The following TENM4 variants were observed in gnomAD, a reference collection of about 807,000 sequenced individuals.
TENM4 encodes the protein teneurin transmembrane protein 4.
A neutral mutation model predicts 243.3 loss-of-function variants in TENM4; 82 were observed. The observed-to-expected ratio is 0.34, with a 90% CI of 0.28 to 0.40. The LOEUF is 0.40. Ranked by LOEUF, TENM4 falls within the 10% of genes least tolerant of loss-of-function variation. The probability of loss-of-function intolerance (pLI) is 1.00; values close to 1 mark genes in which losing one functional copy is unlikely to be tolerated. For synonymous variants in TENM4, 1,412 were observed against 1,456.3 expected (o/e 0.97, Z 0.69); for missense variants, 3,138 against 3,673.3 (o/e 0.85, Z 3.77).
intron 1 of TENM4, among the ~76,000 whole-genome samples, chr11:79,359,091 C>T (rs914867401): frequency 2.0e-5 from 3 of 151,846 alleles, no homozygotes; most frequent in African/African-American, 7.3e-5. Context: ...CATAGCAAGA[C>T]CCCATCTGTA....
rs745830367 is a variant in TENM4, at chr11:78,903,348, C to G, written c.669G>C (p.Glu223Asp). The G allele has an allele frequency of 7.4e-6, 11 of 1,484,516 alleles. No individual in the cohort carries two copies. Among genetic ancestry groups the G allele is most frequent in the Middle Eastern group, 3.5e-4 (2 of 5,696 alleles). 92.0% of individuals were successfully genotyped at this position (1,484,516 alleles called of 1,614,324 possible). A position where few individuals can be genotyped will look rare whatever the true frequency, so the allele number is the denominator to read the frequency against. ...GCTCCTGGGCGCCGCCGGCAGGGGG[C>G]TCTCCGGAGAGCGAGTGGTCCGTGG... is the stretch of plus-strand genomic sequence containing the variant. ...PAPTDHSLSG[E>D]PPAGGAQEPA... The change falls in exon 7 of 34, where the codon GAG becomes GAC. Residue 223 changes from glutamate (E) to aspartate (D), a missense_variant. Around this residue, in one of 2 missense-constraint regions of TENM4, gnomAD observed 671 missense variants for 614.1 expected, o/e 1.09. Transcript: ENST00000278550.
intron 6 of TENM4, among the ~76,000 whole-genome samples, chr11:78,974,696 CTTTTCTTTCTGT>C (rs1857611640): frequency 2.0e-5 from 3 of 148,538 alleles, no homozygotes; most frequent in Non-Finnish European, 3.0e-5. Flanking sequence ...CTTTCTTTTT[CTTTTCTTTCTGT>C]TTTTCTTTTC....
chr11:79,388,998 G>A (rs1244681546), intron 1 of TENM4, among the ~76,000 whole-genome samples: 1 of 152,202 alleles, frequency 6.6e-6, no homozygotes, highest in East Asian at 1.9e-4. Context: ...CAGGAAAAGA[G>A]GTTGGAGAGG....
At chr11:78,866,599 G>A (rs552954024) in intron 9 of TENM4, among the ~76,000 whole-genome samples, 1 of 152,196 alleles carries the variant, frequency 6.6e-6, no homozygotes, top group South Asian at 2.1e-4. Context: ...TTATGAGGGT[G>A]GGGGAGACAT....
intron 17 of TENM4, among the ~76,000 whole-genome samples, chr11:78,775,212 G>T (rs940220411): frequency 6.6e-6 from 1 of 152,210 alleles, no homozygotes; most frequent in African/African-American, 2.4e-5. Context: ...CCAGTAACCT[G>T]TGTAATATTC....
At chr11:79,373,604 A>C (rs1857832253) in intron 1 of TENM4, among the ~76,000 whole-genome samples, 1 of 152,206 alleles carries the variant, frequency 6.6e-6, no homozygotes, top group African/African-American at 2.4e-5. Context: ...GCAGTGAAGG[A>C]AAGAAGAAGG....
Position 78,879,716 on chromosome 11 carries a change from C to T in TENM4, c.1084+10069G>A, listed in dbSNP as rs375677312. Among the ~76,000 whole-genome samples the T allele has an allele frequency of 3.9e-3, 584 of 148,842 alleles. 4 individuals carry two copies. The highest frequency in any genetic ancestry group is 2.7e-3 in the Non-Finnish European group (178 of 67,160). On this transcript the variant is annotated intron_variant, in intron 9 of 33. Coordinates refer to ENST00000278550, the MANE Select transcript of TENM4 (RefSeq NM_001098816.3). Reference sequence around the variant, plus strand: ...GCAGCCCCATCTGGGAACTGAGGAGCGCCTCTGCACGGCCGCCACCCTGTC... The same window carrying T: ...GCAGCCCCATCTGGGAACTGAGGAGTGCCTCTGCACGGCCGCCACCCTGTC...
intron 4 of TENM4, among the ~76,000 whole-genome samples, chr11:79,148,049 T>C (rs1862424990): frequency 6.6e-6 from 1 of 151,908 alleles, no homozygotes; most frequent in Non-Finnish European, 1.5e-5. Context: ...ACAACAAGAG[T>C]AGAACTGGGG....
intron 18 of TENM4, among the ~76,000 whole-genome samples, chr11:78,760,758 A>C (rs1267126263): frequency 3.9e-5 from 6 of 152,208 alleles, no homozygotes; most frequent in African/African-American, 1.4e-4. Flanking sequence ...CTAAATGCTT[A>C]GAGGATCTTC....
chr11:79,158,913 C>T lies in TENM4; in HGVS notation c.-162-10107G>A, dbSNP rs1938945. 4.6e-3 allele frequency among the ~76,000 whole-genome samples: 706 copies of T among 152,278 alleles called. 6 individuals carry two copies. Among genetic ancestry groups the T allele is most frequent in the African/African-American group, 0.016 (684 of 41,548 alleles). Reference sequence around the variant, plus strand: ...TCCTCAGACCATCACCTCTATTGGACCAGGATCACAAGCCCCAAATAACCC... The same window carrying T: ...TCCTCAGACCATCACCTCTATTGGATCAGGATCACAAGCCCCAAATAACCC... On this transcript the variant is annotated intron_variant, in intron 3 of 33. Coordinates refer to ENST00000278550, the MANE Select transcript of TENM4 (RefSeq NM_001098816.3).
chr11:78,970,220 A>G (rs921820521), intron 6 of TENM4, among the ~76,000 whole-genome samples: 2 of 152,108 alleles, frequency 1.3e-5, no homozygotes, highest in East Asian at 1.9e-4. Flanking sequence ...GCTTGAATAG[A>G]CTATCCTGCC....
At chr11:79,159,491 G>A (rs904384647) in intron 3 of TENM4, among the ~76,000 whole-genome samples, 1 of 152,134 alleles carries the variant, frequency 6.6e-6, no homozygotes, top group African/African-American at 2.4e-5. Flanking sequence ...CAAGCTTTTT[G>A]TCATTCCTTT....
chr11:79,352,109 A>C (rs1002132362), intron 1 of TENM4, among the ~76,000 whole-genome samples: 3 of 152,262 alleles, frequency 2.0e-5, no homozygotes, highest in African/African-American at 7.2e-5. Flanking sequence ...TACCTAAGAA[A>C]AAATAATTCG....
intron 4 of TENM4, among the ~76,000 whole-genome samples, chr11:79,082,482 G>A (rs1288431134): frequency 6.6e-6 from 1 of 152,122 alleles, no homozygotes; most frequent in Admixed American, 6.5e-5. Flanking sequence ...TTCCTTCCAC[G>A]GCCTCAGTTT....
At chr11:79,208,292 G>A (rs1237580220) in intron 3 of TENM4, among the ~76,000 whole-genome samples, 2 of 152,164 alleles carry the variant, frequency 1.3e-5, no homozygotes, top group Non-Finnish European at 2.9e-5. Flanking sequence ...TTAGAAAAGT[G>A]CTATTTATGA....
intron 1 of TENM4, among the ~76,000 whole-genome samples, chr11:79,432,280 T>C (rs112904751): frequency 2.0e-5 from 3 of 152,210 alleles, no homozygotes; most frequent in East Asian, 3.9e-4. Flanking sequence ...TTTTCTCCAA[T>C]GCAACGTGAA....
chr11:79,026,749 G>A (rs1420924189), intron 6 of TENM4, among the ~76,000 whole-genome samples: 2 of 152,156 alleles, frequency 1.3e-5, no homozygotes, highest in African/African-American at 2.4e-5. Context: ...AGTACTGGGT[G>A]GTCTGATCCC....
At chr11:79,408,188 G>A (rs1207952818) in intron 1 of TENM4, among the ~76,000 whole-genome samples, 2 of 152,232 alleles carry the variant, frequency 1.3e-5, no homozygotes, top group African/African-American at 2.4e-5. Flanking sequence ...ACAGGTGTAA[G>A]CCACCATGCT....
chr11:78,910,422 C>T (rs1565121894), intron 6 of TENM4, among the ~76,000 whole-genome samples: 1 of 152,170 alleles, frequency 6.6e-6, no homozygotes, highest in Non-Finnish European at 1.5e-5. Flanking sequence ...GGTGATGTAG[C>T]AGTGCTGAGA....
Sources: gnomAD v4.1 joint callset for allele counts (sites outside exome capture counted in the v4.1 genomes callset) on GRCh38, gnomAD v4.1.1 for gene constraint, gnomAD v4.1.1 regional missense constraint, MANE v1.5 for transcripts, NCBI Gene and HGNC (gene_info 2026-07-23, HGNC 2026-07-21) for gene names.